PAPPA2: variants seen among roughly 807,000 people sequenced by gnomAD.
PAPPA2 encodes the protein pappalysin-2.
PAPPA2 carries 86 observed loss-of-function variants against 176.4 expected under a neutral mutation model. The ratio of observed to expected loss-of-function variants is 0.49; its 90% CI spans 0.41 to 0.58. The LOEUF (loss-of-function observed/expected upper bound fraction) is 0.58, where lower values mean the gene tolerates loss of function less well. Ranked by LOEUF, PAPPA2 falls within the 20% of genes least tolerant of loss-of-function variation. PAPPA2 has a pLI of 0.00. For synonymous variants in PAPPA2, 809 were observed against 852.2 expected (o/e 0.95, Z 0.88); for missense variants, 2,073 against 2,256.9 (o/e 0.92, Z 1.65).
At chr1:176,676,806 T>C (rs1659322844) in intron 4 of PAPPA2, among the ~76,000 whole-genome samples, 1 of 152,058 alleles carries the variant, frequency 6.6e-6, no homozygotes, top group Admixed American at 6.6e-5. Flanking sequence ...TCTCTATAAA[T>C]AAGCAAGGTA....
intron 2 of PAPPA2, among the ~76,000 whole-genome samples, chr1:176,566,250 T>C (rs1651972459): frequency 6.6e-6 from 1 of 152,038 alleles, no homozygotes; most frequent in Non-Finnish European, 1.5e-5. Context: ...GCCTTTGGGG[T>C]CATCCAGTCG....
intron 3 of PAPPA2, among the ~76,000 whole-genome samples, chr1:176,659,394 C>T (rs1259795844): frequency 6.6e-6 from 1 of 152,078 alleles, no homozygotes; most frequent in African/African-American, 2.4e-5. Flanking sequence ...TCCACATAAT[C>T]TTCCCTCTAT....
chr1:176,790,417 A>G (rs1404149110), intron 18 of PAPPA2, among the ~76,000 whole-genome samples: 1 of 152,234 alleles, frequency 6.6e-6, no homozygotes, highest in Non-Finnish European at 1.5e-5. Flanking sequence ...AAAAGGTCTC[A>G]AATGAAAAAC....
chr1:176,739,682 T>C lies in PAPPA2; in HGVS notation c.3855T>C (p.Asp1285=). 6.2e-7 allele frequency: 1 copy of C among 1,613,694 alleles called. No individual in the cohort carries two copies. Among genetic ancestry groups the C allele is most frequent in the South Asian group, 1.1e-5 (1 of 91,064 alleles). Reference sequence around the variant, plus strand: ...CAATTTTTATTTTTTTGACAACTGATGGCCTAGTTCCCGGAGAGCATCAGC... The same window carrying C: ...CAATTTTTATTTTTTTGACAACTGACGGCCTAGTTCCCGGAGAGCATCAGC... ...ARAIFIFLTT[D]GLVPGEHQQP... Residue 1285 remains aspartate (D), a synonymous_variant, in exon 13 of 23, where the codon GAT becomes GAC. Coordinates refer to ENST00000367662, the MANE Select transcript of PAPPA2 (RefSeq NM_020318.3).
At chr1:176,490,278 T>C (rs2102492428) in intron 1 of PAPPA2, among the ~76,000 whole-genome samples, 2 of 152,302 alleles carry the variant, frequency 1.3e-5, no homozygotes, top group Middle Eastern at 6.8e-3. Flanking sequence ...GATGAATGCA[T>C]TATCCCTTCC....
chr1:176,668,686 GAA>G (rs1362261936), intron 3 of PAPPA2, among the ~76,000 whole-genome samples: 1 of 152,158 alleles, frequency 6.6e-6, no homozygotes, highest in Non-Finnish European at 1.5e-5. Context: ...TTGGTTTAGA[GAA>G]AAGTCTGGAT....
intron 1 of PAPPA2, among the ~76,000 whole-genome samples, chr1:176,547,727 C>G (rs996339936): frequency 6.6e-6 from 1 of 151,816 alleles, no homozygotes; most frequent in African/African-American, 2.4e-5. Flanking sequence ...CTAGCCTGTA[C>G]CCACTAGATG....
At position 176,740,021 on chromosome 1, in the gene PAPPA2, A is replaced by G; in HGVS notation, c.3976A>G (p.Asn1326Asp). 1 of 1,613,992 alleles carries G rather than the reference A, an allele frequency of 6.2e-7. No homozygotes were observed. Among genetic ancestry groups the G allele is most frequent in the East Asian group, 2.2e-5 (1 of 44,878 alleles). ...ATGCCAGCATAATCCACTGATTATC[A>G]ATGTGACCCATCACCAGAATGTCCT... is the stretch of plus-strand genomic sequence containing the variant. ...LSCQHNPLII[N>D]VTHHQNVLFH... The change falls in exon 14 of 23, where the codon AAT becomes GAT. Residue 1326 changes from asparagine (N) to aspartate (D), a missense_variant. Physicochemically the swap from Asn to Asp is conservative, Grantham distance 23. This residue lies in a region of PAPPA2 where 846 missense variants were observed against 857.9 expected (regional missense o/e 0.99). Coordinates refer to ENST00000367662, the MANE Select transcript of PAPPA2 (RefSeq NM_020318.3).
chr1:176,735,050 C>T (rs1318839580), intron 12 of PAPPA2, among the ~76,000 whole-genome samples: 5 of 152,166 alleles, frequency 3.3e-5, no homozygotes, highest in African/African-American at 1.2e-4. Context: ...AACCAAGTTC[C>T]TTCCTCTCTA....
intron 1 of PAPPA2, among the ~76,000 whole-genome samples, chr1:176,472,361 C>G (rs1189576812): frequency 6.6e-6 from 1 of 152,088 alleles, no homozygotes; most frequent in Non-Finnish European, 1.5e-5. Flanking sequence ...TTATATAGCT[C>G]AATTTGTCCC....
chr1:176,669,419 A>G (rs1658857487), intron 3 of PAPPA2, among the ~76,000 whole-genome samples: 1 of 152,130 alleles, frequency 6.6e-6, no homozygotes, highest in African/African-American at 2.4e-5. Flanking sequence ...CAATTTATCA[A>G]TAAAGGAAAT....
chr1:176,547,419 T>C (rs555959202), intron 1 of PAPPA2, among the ~76,000 whole-genome samples: 2 of 152,328 alleles, frequency 1.3e-5, no homozygotes, highest in South Asian at 4.1e-4. Flanking sequence ...GATTATATAA[T>C]CATGTCTATT....
intron 12 of PAPPA2, among the ~76,000 whole-genome samples, chr1:176,720,130 C>T (rs1441807009): frequency 6.6e-6 from 1 of 152,136 alleles, no homozygotes; most frequent in African/African-American, 2.4e-5. Context: ...AACCGATATT[C>T]ATCCATATGG....
intron 1 of PAPPA2, among the ~76,000 whole-genome samples, chr1:176,544,077 A>G (rs1416615417): frequency 6.6e-6 from 1 of 152,172 alleles, no homozygotes; most frequent in African/African-American, 2.4e-5. Flanking sequence ...GCATTTCCCT[A>G]GTGTGTCCCC....
At chr1:176,548,951 G>T (rs934629789) in intron 1 of PAPPA2, among the ~76,000 whole-genome samples, 3 of 152,130 alleles carry the variant, frequency 2.0e-5, no homozygotes, top group Non-Finnish European at 4.4e-5. Context: ...CACCTCACAG[G>T]ACTGTTGTGA....
At chr1:176,575,379 C>A (rs1506776) in intron 2 of PAPPA2, among the ~76,000 whole-genome samples, 53,412 of 152,036 alleles carry the variant, frequency 0.35, 9,936 homozygotes, top group South Asian at 0.58. Context: ...ATTTTTAACA[C>A]ATAAATCTGA....
intron 2 of PAPPA2, among the ~76,000 whole-genome samples, chr1:176,558,040 G>A (rs1454837337): frequency 6.6e-6 from 1 of 152,192 alleles, no homozygotes; most frequent in Non-Finnish European, 1.5e-5. Flanking sequence ...GAAGGGCAAA[G>A]AAAAATGAGG....
chr1:176,473,022 T>G (rs151306867), intron 1 of PAPPA2, among the ~76,000 whole-genome samples: 4 of 152,324 alleles, frequency 2.6e-5, no homozygotes, highest in Admixed American at 6.5e-5. Flanking sequence ...GAGCCTACAA[T>G]GACACATCAT....
At chr1:176,803,472 C>T (rs556298301) in intron 21 of PAPPA2, among the ~76,000 whole-genome samples, 3 of 152,224 alleles carry the variant, frequency 2.0e-5, no homozygotes, top group South Asian at 2.1e-4. Context: ...AAAGGGAAAT[C>T]GGTCATACCA....
Sources: allele counts gnomAD v4.1 joint callset (sites outside exome capture counted in the v4.1 genomes callset), GRCh38; gene constraint gnomAD v4.1.1; regional missense constraint gnomAD v4.1.1; transcripts MANE v1.5; gene names NCBI Gene and HGNC (gene_info 2026-07-23, HGNC 2026-07-21).